Variants in RNF213 observed in about 807,000 individuals in gnomAD.
The protein encoded by RNF213 is ring finger protein 213.
In RNF213, 341 loss-of-function variants were observed where a neutral mutation model predicts 514.4. The observed-to-expected ratio is 0.66, with a 90% CI of 0.61 to 0.73. The LOEUF (loss-of-function observed/expected upper bound fraction) is 0.73, where lower values mean the gene tolerates loss of function less well. RNF213 is among the 30% of genes least tolerant of loss of function. RNF213 has a pLI of 0.00. For synonymous variants in RNF213, 2,655 were observed against 2,658.2 expected (o/e 1.00, Z 0.04); for missense variants, 5,767 against 6,615.6 (o/e 0.87, Z 4.45).
chr17:80,353,952 G>A lies in RNF213; in HGVS notation c.10579-67G>A, dbSNP rs370358024. On this transcript the variant is annotated intron_variant, in intron 34 of 67. Coordinates refer to ENST00000582970, the MANE Select transcript of RNF213 (RefSeq NM_001256071.3). The surrounding 1 kb of genome is among the most constrained non-coding windows in gnomAD (Gnocchi z 5.0). ...CTGCATTGAGACCCTCATCGCATACGGGCGGTTTGGCTTTTGCCCACTGTG... is the reference window on the plus strand; with the variant it reads ...CTGCATTGAGACCCTCATCGCATACAGGCGGTTTGGCTTTTGCCCACTGTG... 114 of 1,599,260 alleles carry A rather than the reference G, an allele frequency of 7.1e-5. No individual in the cohort carries two copies. Among genetic ancestry groups the A allele is most frequent in the Middle Eastern group, 1.7e-4 (1 of 6,048 alleles).
intron 2 of RNF213, among the ~76,000 whole-genome samples, chr17:80,268,353 A>AG (rs2043678879): frequency 3.1e-5 from 3 of 97,766 alleles, no homozygotes; most frequent in Admixed American, 1.2e-4. Flanking sequence ...ACCCTGTCTC[A>AG]GAAAAAAAAA....
chr17:80,380,722 T>A (rs1485322110), intron 55 of RNF213, 109 bp from the exon 56 acceptor site: 17 of 1,285,310 alleles, frequency 1.3e-5, no homozygotes, highest in Non-Finnish European at 1.9e-5. Context: ...CAAGTACTCT[T>A]CACATAACTC....
intron 36 of RNF213, chr17:80,355,040 G>A: frequency 2.7e-6 from 1 of 364,338 alleles, no homozygotes; most frequent in Non-Finnish European, 5.4e-6. Context: ...TCACCCATGA[G>A]ACTAACCTTG....
intron 46 of RNF213, among the ~76,000 whole-genome samples, chr17:80,370,099 A>G (rs1360719444): frequency 6.6e-6 from 1 of 152,222 alleles, no homozygotes; most frequent in Non-Finnish European, 1.5e-5. Context: ...AGAAGCCAAC[A>G]GTGCCGTGAA....
At chr17:80,329,172 G>GC (rs1242040273) in intron 20 of RNF213, among the ~76,000 whole-genome samples, 1 of 152,154 alleles carries the variant, frequency 6.6e-6, no homozygotes, top group African/African-American at 2.4e-5. Flanking sequence ...TGGTTCCCAC[G>GC]CCCCCCTCCC....
intron 2 of RNF213, among the ~76,000 whole-genome samples, chr17:80,266,339 G>A (rs971844623): frequency 4.0e-5 from 6 of 151,722 alleles, no homozygotes; most frequent in African/African-American, 1.5e-4. Context: ...ACTTGAGCCT[G>A]GGAAGTCGAG....
At chr17:80,275,531 C>G (rs984665363) in intron 3 of RNF213, among the ~76,000 whole-genome samples, 1 of 152,042 alleles carries the variant, frequency 6.6e-6, no homozygotes, top group Non-Finnish European at 1.5e-5. Flanking sequence ...CACACAAATG[C>G]TCGAGCAGGA....
Position 80,337,125 on chromosome 17 carries a change from T to C in RNF213, c.4528-461T>C, listed in dbSNP as rs150153160. 9.9e-5 allele frequency among the ~76,000 whole-genome samples: 15 copies of C among 152,278 alleles called. 1 individual carries two copies. The South Asian group carries it at 1.9e-3, about 19-fold the overall frequency. ...AGTTTCCAAACAAAACCCTCTGTTG[T>C]GATTTTTCCTAAACTTCTCTTATTG... On this transcript the variant is annotated intron_variant, in intron 23 of 67. Transcript: ENST00000582970.
intron 22 of RNF213, among the ~76,000 whole-genome samples, 178 bp from the exon 23 acceptor site, chr17:80,335,983 A>G (rs1407506030): frequency 1.3e-5 from 2 of 152,034 alleles, no homozygotes; most frequent in Non-Finnish European, 2.9e-5. Context: ...TCTCAAAAAA[A>G]AAAAAAAAAA....
intron 25 of RNF213, among the ~76,000 whole-genome samples, chr17:80,338,650 A>G (rs1599054213): frequency 7.4e-5 from 1 of 13,506 alleles, no homozygotes; most frequent in South Asian, 1.2e-3. Context: ...TTCCCAATTA[A>G]AAAAAAAAGA....
intron 3 of RNF213, among the ~76,000 whole-genome samples, chr17:80,282,943 C>T (rs1172997736): frequency 1.3e-5 from 2 of 152,068 alleles, no homozygotes; most frequent in Non-Finnish European, 2.9e-5. Context: ...GGTGATCCGC[C>T]CGCCTCGTTC....
chr17:80,364,338 G>T, intron 41 of RNF213, 95 bp from the exon 42 acceptor site: 2 of 1,573,728 alleles, frequency 1.3e-6, no homozygotes, highest in Non-Finnish European at 1.7e-6. Context: ...TGGACCCCGG[G>T]TCCCGCATCT....
intron 63 of RNF213, among the ~76,000 whole-genome samples, chr17:80,388,293 CCTT>C (rs1461463220): frequency 6.6e-6 from 1 of 152,188 alleles, no homozygotes; most frequent in Non-Finnish European, 1.5e-5. Flanking sequence ...ATGGTCTGTG[CCTT>C]TAGTGGCTGA....
intron 36 of RNF213, among the ~76,000 whole-genome samples, chr17:80,358,017 T>TAA (rs2078898422): frequency 6.6e-6 from 1 of 152,180 alleles, no homozygotes; most frequent in Admixed American, 6.5e-5. Context: ...AAGCAAACAC[T>TAA]ACTTCACCCT....
intron 36 of RNF213, among the ~76,000 whole-genome samples, chr17:80,356,606 A>G (rs1040216529): frequency 5.9e-5 from 9 of 152,190 alleles, no homozygotes; most frequent in Admixed American, 5.2e-4. Context: ...TTGTGTCCCG[A>G]ACTCTGCCTG....
chr17:80,298,155 G>A (rs370104316), intron 10 of RNF213, among the ~76,000 whole-genome samples, 166 bp from the exon 11 acceptor site: 24 of 152,276 alleles, frequency 1.6e-4, no homozygotes, highest in Non-Finnish European at 2.8e-4. Flanking sequence ...TAGGCTGGGG[G>A]CTGAGGGAAG....
At chr17:80,351,382 A>G (rs1013318849) in intron 31 of RNF213, among the ~76,000 whole-genome samples, 2 of 152,248 alleles carry the variant, frequency 1.3e-5, no homozygotes, top group Admixed American at 6.5e-5. Context: ...GGGCAGGCCC[A>G]TTGAGGAGCA....
intron 55 of RNF213, among the ~76,000 whole-genome samples, chr17:80,380,340 A>G (rs1454676126): frequency 6.6e-6 from 1 of 152,148 alleles, no homozygotes; most frequent in Non-Finnish European, 1.5e-5. Flanking sequence ...TTATCTCCAG[A>G]AACTGTCACA....
Position 80,353,831 on chromosome 17 carries a change from G to A in RNF213, c.10578+165G>A, listed in dbSNP as rs2078625894. The stretch of plus-strand genomic sequence containing the variant: ...AGTGACGGTCTTGTTGCTGGTTACT[G>A]GGGGTCAAGGGCATCTGCACCGGCA... On this transcript the variant is annotated intron_variant, in intron 34 of 67. Transcript: ENST00000582970. This position sits in a 1 kb window ranked among gnomAD's most constrained non-coding sequence, Gnocchi z 5.0. The A allele has an allele frequency of 1.7e-6, 2 of 1,199,528 alleles. No individual in the cohort carries two copies. The highest frequency in any genetic ancestry group is 1.5e-5 in the African/African-American group (1 of 66,646). 74.3% of individuals were successfully genotyped at this position (1,199,528 alleles called of 1,614,324 possible). A position where few individuals can be genotyped will look rare whatever the true frequency, so the allele number is the denominator to read the frequency against.
Sources: gnomAD v4.1 joint callset for allele counts (sites outside exome capture counted in the v4.1 genomes callset) on GRCh38, gnomAD v4.1.1 for gene constraint, Gnocchi (gnomAD v3.1) non-coding constraint, MANE v1.5 for transcripts, NCBI Gene and HGNC (gene_info 2026-07-23, HGNC 2026-07-21) for gene names.